SLC24A2: variants seen among roughly 807,000 people sequenced by gnomAD.
The protein encoded by SLC24A2 is solute carrier family 24 member 2, also known as sodium/potassium/calcium exchanger 2.
SLC24A2 carries 36 observed loss-of-function variants against 62.0 expected under a neutral mutation model. The observed-to-expected ratio is 0.58, with a 90% CI of 0.44 to 0.77. The LOEUF (loss-of-function observed/expected upper bound fraction) is 0.77, where lower values mean the gene tolerates loss of function less well. Among genes scored for constraint, SLC24A2 ranks in the 30% least tolerant of loss-of-function variants. The pLI, the probability that SLC24A2 is intolerant of heterozygous loss-of-function variation, is 0.00. For synonymous variants in SLC24A2, 358 were observed against 294.0 expected (o/e 1.22, Z -2.23); for missense variants, 846 against 817.9 (o/e 1.03, Z -0.42).
chr9:20,280,089 T>C, the SLC24A2 span, among the ~76,000 whole-genome samples: 1 of 152,098 alleles, frequency 6.6e-6, no homozygotes, highest in African/African-American at 2.4e-5. Context: ...TTAGTTTGGG[T>C]TCCTAAGAAG....
At chr9:19,894,599 T>A in the SLC24A2 span, among the ~76,000 whole-genome samples, 1 of 152,190 alleles carries the variant, frequency 6.6e-6, no homozygotes, top group Admixed American at 6.5e-5. Flanking sequence ...AGCCAACAAC[T>A]TTCCTAATTC....
the SLC24A2 span, among the ~76,000 whole-genome samples, chr9:20,194,091 G>C: frequency 6.6e-6 from 1 of 151,154 alleles, no homozygotes; most frequent in South Asian, 2.1e-4. Context: ...GTTTTTTTTT[G>C]GGAAAACAAA....
chr9:20,303,061 C>G, the SLC24A2 span, among the ~76,000 whole-genome samples: 1 of 152,142 alleles, frequency 6.6e-6, no homozygotes, highest in African/African-American at 2.4e-5. Flanking sequence ...CTGCATGTGA[C>G]AATATCCATC....
chr9:20,017,835 G>A, the SLC24A2 span, among the ~76,000 whole-genome samples: 1 of 152,178 alleles, frequency 6.6e-6, no homozygotes, highest in Non-Finnish European at 1.5e-5. Context: ...CTGATTAGAT[G>A]GTGCCCACCC....
the SLC24A2 span, among the ~76,000 whole-genome samples, chr9:19,829,577 A>T: frequency 6.6e-6 from 1 of 151,820 alleles, no homozygotes; most frequent in Non-Finnish European, 1.5e-5. Flanking sequence ...CTTAAAAAAA[A>T]ACTATAAGCT....
chr9:19,707,003 C>T (rs1163436523), intron 2 of SLC24A2, among the ~76,000 whole-genome samples: 4 of 151,226 alleles, frequency 2.6e-5, no homozygotes, highest in Non-Finnish European at 4.4e-5. Flanking sequence ...ATTGATAGAC[C>T]GCTAGCAAGA....
chr9:20,175,328 A>G, the SLC24A2 span, among the ~76,000 whole-genome samples: 1 of 151,888 alleles, frequency 6.6e-6, no homozygotes, highest in Non-Finnish European at 1.5e-5. Flanking sequence ...ACCAATCAAC[A>G]CTAAAGAACT....
chr9:19,824,088 G>A, the SLC24A2 span, among the ~76,000 whole-genome samples: 1 of 151,998 alleles, frequency 6.6e-6, no homozygotes, highest in Non-Finnish European at 1.5e-5. Flanking sequence ...AACCTAGACA[G>A]TAATATTCAG....
At chr9:20,003,240 T>C in the SLC24A2 span, among the ~76,000 whole-genome samples, 1 of 152,186 alleles carries the variant, frequency 6.6e-6, no homozygotes, top group African/African-American at 2.4e-5. Context: ...ACTATGCCCA[T>C]GACCACAGGC....
At chr9:19,545,948 C>T (rs1834543686) in intron 8 of SLC24A2, among the ~76,000 whole-genome samples, 1 of 152,180 alleles carries the variant, frequency 6.6e-6, no homozygotes, top group Non-Finnish European at 1.5e-5. Flanking sequence ...AGTTTTCCTT[C>T]TAACAGGACC....
the SLC24A2 span, among the ~76,000 whole-genome samples, chr9:20,046,650 T>C: frequency 2.6e-5 from 4 of 152,214 alleles, no homozygotes; most frequent in Non-Finnish European, 5.9e-5. Flanking sequence ...TGAACCTCTA[T>C]AGTCTTCAGA....
the SLC24A2 span, among the ~76,000 whole-genome samples, chr9:20,206,883 G>GA: frequency 4.1e-5 from 6 of 145,830 alleles, no homozygotes; most frequent in Admixed American, 1.3e-4. Flanking sequence ...AACTAAGTTG[G>GA]GGGGGGCGGT....
At chr9:20,151,988 C>A in the SLC24A2 span, among the ~76,000 whole-genome samples, 1 of 151,716 alleles carries the variant, frequency 6.6e-6, no homozygotes. Context: ...TATGTTTTTC[C>A]TTCATCAAAG....
chr9:20,127,259 G>A, the SLC24A2 span, among the ~76,000 whole-genome samples: 1 of 152,012 alleles, frequency 6.6e-6, no homozygotes, highest in Admixed American at 6.6e-5. Flanking sequence ...AGAATCCCCA[G>A]CAAACATTCT....
intron 2 of SLC24A2, among the ~76,000 whole-genome samples, chr9:19,670,466 C>T (rs967881966): frequency 2.6e-5 from 4 of 152,146 alleles, no homozygotes; most frequent in Non-Finnish European, 4.4e-5. Context: ...TGATTTTGCT[C>T]CTCAAATAAT....
At chr9:19,975,381 C>A in the SLC24A2 span, among the ~76,000 whole-genome samples, 2 of 152,198 alleles carry the variant, frequency 1.3e-5, no homozygotes, top group Admixed American at 1.3e-4. Flanking sequence ...TACATGAATT[C>A]TTCCATGTTC....
the SLC24A2 span, among the ~76,000 whole-genome samples, chr9:20,019,091 AAGAAAGAAAGATAG>A: frequency 4.4e-5 from 2 of 45,758 alleles, no homozygotes; most frequent in Non-Finnish European, 7.6e-5. Flanking sequence ...GAGAGAAAGA[AAGAAAGAAAGATAG>A]AAAGAAAGAA....
chr9:19,953,546 A>T, the SLC24A2 span, among the ~76,000 whole-genome samples: 1 of 152,042 alleles, frequency 6.6e-6, no homozygotes, highest in Non-Finnish European at 1.5e-5. Flanking sequence ...TTTTATGTTC[A>T]TGGAAAACCT....
At chr9:20,291,311 A>T in the SLC24A2 span, among the ~76,000 whole-genome samples, 1 of 152,156 alleles carries the variant, frequency 6.6e-6, no homozygotes, top group Non-Finnish European at 1.5e-5. Flanking sequence ...GGAAATCAAG[A>T]AAGGCTTGCA....
Sources: gnomAD v4.1 joint callset for allele counts (sites outside exome capture counted in the v4.1 genomes callset) on GRCh38, gnomAD v4.1.1 for gene constraint, MANE v1.5 for transcripts, NCBI Gene and HGNC (gene_info 2026-07-23, HGNC 2026-07-21) for gene names.